Variants in IL1RAPL2 observed in about 807,000 individuals in gnomAD.
IL1RAPL2 encodes the protein interleukin 1 receptor accessory protein like 2.
A neutral mutation model predicts 44.1 loss-of-function variants in IL1RAPL2; 3 were observed. The observed-to-expected ratio is 0.07, with a 90% CI of 0.03 to 0.18. The LOEUF is 0.18. IL1RAPL2 is among the 10% of genes least tolerant of loss of function. The pLI is 1.00. For missense variants in IL1RAPL2, 391 were observed against 496.4 expected (o/e 0.79, Z 2.02); for synonymous variants, 181 against 178.8 (o/e 1.01, Z -0.10).
intron 2 of IL1RAPL2, among the ~76,000 whole-genome samples, chrX:105,024,975 T>A (rs2031343313): frequency 9.1e-6 from 1 of 110,006 alleles, no homozygotes; most frequent in Admixed American, 9.7e-5. Context: ...TTATAGCAAG[T>A]CAGGCTTTGT....
chrX:105,541,469 G>A (rs1175952661), intron 6 of IL1RAPL2, among the ~76,000 whole-genome samples: 1 of 111,740 alleles, frequency 8.9e-6, no homozygotes, highest in Non-Finnish European at 1.9e-5. Flanking sequence ...ATGTGATCCA[G>A]TGCAGTTTGG....
chrX:105,062,658 A>G (rs2032089745), intron 2 of IL1RAPL2, among the ~76,000 whole-genome samples: 1 of 111,318 alleles, frequency 9.0e-6, no homozygotes, highest in African/African-American at 3.3e-5. Flanking sequence ...TTTTTCTGGG[A>G]AAGTATTTTA....
At chrX:104,709,346 T>C (rs1021070939) in intron 2 of IL1RAPL2, among the ~76,000 whole-genome samples, 3 of 111,393 alleles carry the variant, frequency 2.7e-5, no homozygotes, top group Non-Finnish European at 5.7e-5. Flanking sequence ...AAGTAATTTC[T>C]ATAAGTAAAA....
At chrX:105,063,866 C>T (rs777047458) in intron 2 of IL1RAPL2, among the ~76,000 whole-genome samples, 13 of 111,821 alleles carry the variant, frequency 1.2e-4, no homozygotes, top group Non-Finnish European at 1.9e-4. Context: ...GAAACAGATG[C>T]CTTGTTTTCT....
At chrX:104,673,529 T>A (rs1367543876) in intron 2 of IL1RAPL2, among the ~76,000 whole-genome samples, 4 of 111,057 alleles carry the variant, frequency 3.6e-5, no homozygotes, top group Non-Finnish European at 5.7e-5. Context: ...AGTCAGGTAG[T>A]GTGATGCCTC....
At chrX:104,727,312 G>A (rs1186272242) in intron 2 of IL1RAPL2, among the ~76,000 whole-genome samples, 3 of 110,218 alleles carry the variant, frequency 2.7e-5, no homozygotes, top group African/African-American at 6.6e-5. Context: ...ACATTCAAAT[G>A]GCCAACAAGC....
intron 2 of IL1RAPL2, among the ~76,000 whole-genome samples, chrX:104,687,472 A>C (rs1310176122): frequency 1.8e-5 from 2 of 111,450 alleles, no homozygotes; most frequent in Non-Finnish European, 3.8e-5. Context: ...GCCATTTACG[A>C]GGAATCTGCC....
At chrX:105,723,518 C>A (rs1220731683) in intron 7 of IL1RAPL2, among the ~76,000 whole-genome samples, 1 of 111,565 alleles carries the variant, frequency 9.0e-6, no homozygotes, top group African/African-American at 3.3e-5. Context: ...CAAAGCCATT[C>A]CACATTTTTT....
chrX:105,099,396 C>T (rs890898647), intron 2 of IL1RAPL2, among the ~76,000 whole-genome samples: 2 of 96,827 alleles, frequency 2.1e-5, no homozygotes, highest in African/African-American at 3.8e-5. Flanking sequence ...GGGGGTAAAG[C>T]GGGAGCAGGT....
At chrX:104,874,096 G>A (rs773929551) in intron 2 of IL1RAPL2, among the ~76,000 whole-genome samples, 1 of 109,891 alleles carries the variant, frequency 9.1e-6, no homozygotes, top group South Asian at 4.0e-4. Context: ...TGTTAATCTT[G>A]ACACTCATAT....
At chrX:104,721,767 A>G (rs1159559279) in intron 2 of IL1RAPL2, among the ~76,000 whole-genome samples, 1 of 111,907 alleles carries the variant, frequency 8.9e-6, no homozygotes, top group African/African-American at 3.2e-5. Flanking sequence ...GTAATTTAAC[A>G]AATACCTTTC....
Position 105,195,755 on chromosome X carries a change from G to A in IL1RAPL2, c.356+7G>A, listed in dbSNP as rs1556140651. The stretch of plus-strand genomic sequence containing the variant: ...TCTACACTTGTGTTTTAAGGTGAGT[G>A]TTGTGTGAAAACATTGCCCAATCAC... On this transcript the variant is annotated splice_region_variant and intron_variant, in intron 3 of 10. Coordinates refer to ENST00000372582, the MANE Select transcript of IL1RAPL2 (RefSeq NM_017416.2). 12 of 1,209,124 alleles carry A rather than the reference G, an allele frequency of 9.9e-6. No homozygotes were observed. The highest frequency in any genetic ancestry group is 1.1e-5 in the Non-Finnish European group (10 of 893,228).
At chrX:105,514,548 T>C (rs2036497490) in intron 6 of IL1RAPL2, among the ~76,000 whole-genome samples, 1 of 112,300 alleles carries the variant, frequency 8.9e-6, no homozygotes, top group Non-Finnish European at 1.9e-5. Context: ...ACAACAAAAG[T>C]CCAGAGACAT....
chrX:105,064,127 A>G lies in IL1RAPL2; in HGVS notation c.83-131348A>G, dbSNP rs767408168. 1.2e-4 allele frequency among the ~76,000 whole-genome samples: 14 copies of G among 112,323 alleles called. No homozygotes were observed. In the South Asian group the frequency reaches 1.8e-3, roughly 15 times the overall value. On this transcript the variant is annotated intron_variant, in intron 2 of 10. Coordinates refer to ENST00000372582, the MANE Select transcript of IL1RAPL2 (RefSeq NM_017416.2). ...TATCTAGGACTTTTTTCTTCCCTAC[A>G]TGGTGATAAGTTACCCCAGGACTCA...
At chrX:104,924,338 T>A (rs780852547) in intron 2 of IL1RAPL2, among the ~76,000 whole-genome samples, 1 of 111,839 alleles carries the variant, frequency 8.9e-6, no homozygotes, top group Non-Finnish European at 1.9e-5. Flanking sequence ...AACTGGACTC[T>A]TGACCAAATG....
intron 6 of IL1RAPL2, among the ~76,000 whole-genome samples, chrX:105,607,853 GT>G (rs756194576): frequency 1.8e-5 from 2 of 109,943 alleles, no homozygotes; most frequent in East Asian, 5.8e-4. Flanking sequence ...TCATTGCTTT[GT>G]TTAAAAGATT....
chrX:105,468,538 A>T (rs2036146084), intron 5 of IL1RAPL2, among the ~76,000 whole-genome samples: 1 of 111,691 alleles, frequency 9.0e-6, no homozygotes, highest in African/African-American at 3.3e-5. Context: ...TACTCTCTTA[A>T]ATTTCTTAAT....
At chrX:105,694,156 G>T (rs1160030783) in intron 6 of IL1RAPL2, among the ~76,000 whole-genome samples, 9 of 111,658 alleles carry the variant, frequency 8.1e-5, no homozygotes, top group Non-Finnish European at 3.8e-5. Flanking sequence ...TGTTACTTTT[G>T]CCCTGTTCTG....
intron 2 of IL1RAPL2, among the ~76,000 whole-genome samples, chrX:104,730,733 T>A (rs1931896131): frequency 9.2e-6 from 1 of 108,944 alleles, no homozygotes; most frequent in South Asian, 4.1e-4. Context: ...TTTGGGTATA[T>A]ACCCAGTAAT....
Sources: allele counts gnomAD v4.1 joint callset (sites outside exome capture counted in the v4.1 genomes callset), GRCh38; gene constraint gnomAD v4.1.1; transcripts MANE v1.5; gene names NCBI Gene and HGNC (gene_info 2026-07-23, HGNC 2026-07-21).